CCDC9: variants seen among roughly 807,000 people sequenced by gnomAD.
The protein encoded by CCDC9 is coiled-coil domain-containing protein 9.
In CCDC9, 52 loss-of-function variants were observed where a neutral mutation model predicts 65.6. The observed-to-expected ratio is 0.79, with a 90% CI of 0.63 to 1.00. The LOEUF (loss-of-function observed/expected upper bound fraction) is 1.00. Ranked by LOEUF, CCDC9 falls within the 50% of genes least tolerant of loss-of-function variation. CCDC9 has a pLI of 0.00. For missense variants in CCDC9, 834 were observed against 757.2 expected, an observed-to-expected ratio of 1.10 and a Z score of -1.19; for synonymous variants, 332 against 280.3, an observed-to-expected ratio of 1.18 and a Z score of -1.84.
chr19:47,269,905 C>T (rs933056310), intron 8 of CCDC9, among the ~76,000 whole-genome samples: 4 of 151,924 alleles, frequency 2.6e-5, no homozygotes, highest in Non-Finnish European at 4.4e-5. Context: ...CGCCCACATT[C>T]TGAATCTTTT....
intron 8 of CCDC9, among the ~76,000 whole-genome samples, chr19:47,267,648 C>T (rs561754933): frequency 4.6e-5 from 7 of 152,194 alleles, no homozygotes; most frequent in African/African-American, 9.6e-5. Context: ...CAGCACACCC[C>T]GCCTCACTGG....
At chr19:47,266,059 G>A (rs550026057) in intron 7 of CCDC9, among the ~76,000 whole-genome samples, 6 of 133,886 alleles carry the variant, frequency 4.5e-5, no homozygotes, top group African/African-American at 1.4e-4. Context: ...GCAGTGGCGC[G>A]ATCTCGGCTC....
At position 47,264,941 on chromosome 19, in the gene CCDC9, C is replaced by T. The variant is rs752197270; in HGVS notation, c.715C>T (p.Arg239Trp). Reference protein sequence around the residue: ...ERVRCGLEHERQGRRAGLGSA... With the variant: ...ERVRCGLEHEWQGRRAGLGSA... ...GGTGCGCTGTGGCCTTGAGCACGAG[C>T]GGCAGGTGGGTGTTGGCAGTGAGGA... The change falls in exon 7 of 12, where the codon CGG (arginine) becomes TGG (tryptophan). Residue 239 changes from arginine (R) to tryptophan (W), a missense_variant. Coordinates refer to ENST00000221922, the MANE Select transcript of CCDC9 (RefSeq NM_015603.3). 1.9e-5 allele frequency: 27 copies of T among 1,445,276 alleles called. No homozygotes were observed. The highest frequency in any genetic ancestry group is 4.3e-5 in the African/African-American group (3 of 70,044). The allele number at this position is 1,445,276 out of a possible 1,614,324, so 89.5% of individuals were successfully genotyped here.
intron 3 of CCDC9, 52 bp from the exon 4 acceptor site, chr19:47,260,269 G>T (rs534210944): frequency 1.4e-5 from 19 of 1,350,918 alleles, no homozygotes; most frequent in Non-Finnish European, 2.0e-5. Flanking sequence ...CTGGGAGTCC[G>T]TCTGGCAGAC....
intron 3 of CCDC9, among the ~76,000 whole-genome samples, chr19:47,260,108 T>G (rs1174657963): frequency 2.0e-5 from 3 of 152,078 alleles, no homozygotes; most frequent in Non-Finnish European, 4.4e-5. Context: ...TCCCACAGGC[T>G]GTGGGGAAGG....
At chr19:47,260,140 C>T (rs904406891) in intron 3 of CCDC9, among the ~76,000 whole-genome samples, 181 bp from the exon 4 acceptor site, 4 of 152,120 alleles carry the variant, frequency 2.6e-5, no homozygotes, top group African/African-American at 7.2e-5. Flanking sequence ...AGGGGCACCA[C>T]AGGAACGTTC....
At chr19:47,272,282 T>A (rs530744527), downstream of CCDC9, 3 of 653,174 alleles carry the variant, frequency 4.6e-6, no homozygotes, top group South Asian at 2.4e-4. Flanking sequence ...ACCATAGAGG[T>A]GAGGTGAAAA....
At chr19:47,274,584 G>T, downstream of CCDC9, 1 of 190,304 alleles carries the variant, frequency 5.3e-6, no homozygotes, top group Admixed American at 6.3e-5. Context: ...GCTCCGAGGC[G>T]GGCTAGATGC....
chr19:47,257,131 T>C lies in CCDC9; in HGVS notation c.-72+522T>C, dbSNP rs193132587. On this transcript the variant is annotated intron_variant, in intron 1 of 11. Coordinates refer to ENST00000221922, the MANE Select transcript of CCDC9 (RefSeq NM_015603.3). The stretch of plus-strand genomic sequence containing the variant: ...CTGAGCCACGGGCGCGGCCAGAGCG[T>C]TGGCCGGGAGGCGGGGAAGCGGGGA... 3.9e-3 allele frequency among the ~76,000 whole-genome samples: 573 copies of C among 147,474 alleles called. 6 individuals carry two copies. The highest frequency in any genetic ancestry group is 7.6e-3 in the Middle Eastern group (2 of 262).
At chr19:47,267,463 C>G (rs1462035426) in intron 8 of CCDC9, among the ~76,000 whole-genome samples, 1 of 152,114 alleles carries the variant, frequency 6.6e-6, no homozygotes, top group Non-Finnish European at 1.5e-5. Context: ...TGAGCTGATC[C>G]AGGCTGGACG....
chr19:47,275,179 C>A (rs1000936321), downstream of CCDC9: 96 of 1,465,810 alleles, frequency 6.5e-5, no homozygotes, highest in Non-Finnish European at 8.2e-5. Flanking sequence ...CCTGTCCCGG[C>A]GCCCGCCGCT....
At chr19:47,262,510 C>G (rs192650238) in intron 5 of CCDC9, among the ~76,000 whole-genome samples, 44 of 152,220 alleles carry the variant, frequency 2.9e-4, no homozygotes, top group Non-Finnish European at 5.1e-4. Context: ...AGCTGCTGCG[C>G]CCGGCCTGGT....
At position 47,271,062 on chromosome 19, in the gene CCDC9, C is replaced by G. The variant is rs765885496; in HGVS notation, c.1086-20C>G. On this transcript the variant is annotated intron_variant, in intron 10 of 11. Transcript: ENST00000221922. The stretch of plus-strand genomic sequence containing the variant: ...GTCTACTCTCCACCCAGGCATCACC[C>G]CTCCCTCTGTTCCCTCTAGTGACCA... 1 of 1,516,248 alleles carries G rather than the reference C, an allele frequency of 6.6e-7. No homozygotes were observed. The highest frequency in any genetic ancestry group is 1.2e-5 in the South Asian group (1 of 81,416). The allele number at this position is 1,516,248 out of a possible 1,614,324, so 93.9% of individuals were successfully genotyped here.
At chr19:47,275,371 G>C, downstream of CCDC9, 1 of 1,531,578 alleles carries the variant, frequency 6.5e-7, no homozygotes, top group African/African-American at 1.4e-5. Context: ...CCCCAACCCG[G>C]ATCGCCAGCC....
chr19:47,275,081 C>G (rs540863961), downstream of CCDC9: 6 of 1,496,350 alleles, frequency 4.0e-6, no homozygotes, highest in Non-Finnish European at 5.3e-6. Context: ...ACGGTCTCAT[C>G]TGGGTACCCA....
chr19:47,272,264 G>A (rs2059128875), downstream of CCDC9: 2 of 750,058 alleles, frequency 2.7e-6, no homozygotes, highest in Non-Finnish European at 3.7e-6. Context: ...TGTGTAGGTA[G>A]CAGTTGGACC....
At chr19:47,266,343 G>T (rs1032905842) in intron 7 of CCDC9, 1 of 417,378 alleles carries the variant, frequency 2.4e-6, no homozygotes, top group South Asian at 6.0e-5. Flanking sequence ...GTTTCTTCTG[G>T]TGGGAGCTGA....
chr19:47,274,938 G>C (rs1429470090), downstream of CCDC9: 2 of 1,347,198 alleles, frequency 1.5e-6, no homozygotes, highest in East Asian at 3.2e-5. Flanking sequence ...GACCAGCTGC[G>C]TGGGCGGCGG....
chr19:47,260,408 G>C lies in CCDC9; in HGVS notation c.196G>C (p.Val66Leu), dbSNP rs769582772. 2.2e-5 allele frequency: 36 copies of C among 1,608,152 alleles called. No homozygotes were observed. The highest frequency in any genetic ancestry group is 2.7e-5 in the Non-Finnish European group (32 of 1,177,332). ...RKGRSVEKENVAVESEKNLGP... is the reference protein window; with the variant it reads ...RKGRSVEKENLAVESEKNLGP... The stretch of plus-strand genomic sequence containing the variant: ...GGGCCGCTCAGTGGAGAAGGAGAAC[G>C]TGGCAGTGGAGTCGGTGAGCTCGTC... Residue 66 changes from valine (V) to leucine (L), a missense_variant, in exon 4 of 12, where the codon GTG (valine) becomes CTG (leucine). Transcript: ENST00000221922.
Sources: gnomAD v4.1 joint callset for allele counts (sites outside exome capture counted in the v4.1 genomes callset) on GRCh38, gnomAD v4.1.1 for gene constraint, MANE v1.5 for transcripts, NCBI Gene and HGNC (gene_info 2026-07-23, HGNC 2026-07-21) for gene names.